Variants in EPB41 observed in about 807,000 individuals in gnomAD.
EPB41 encodes the protein erythrocyte membrane protein band 4.1.
Under a neutral mutation model 108.0 loss-of-function variants are expected in EPB41, and 65 were observed. The ratio of observed to expected loss-of-function variants is 0.60; its 90% CI spans 0.49 to 0.74. The LOEUF is 0.74. Among genes scored for constraint, EPB41 ranks in the 30% least tolerant of loss-of-function variants. The probability of loss-of-function intolerance (pLI) is 0.00; values close to 1 mark genes in which losing one functional copy is unlikely to be tolerated. For missense variants in EPB41, 875 were observed against 1,037.0 expected (o/e 0.84, Z 2.15); for synonymous variants, 336 against 358.9 (o/e 0.94, Z 0.72).
chr1:28,987,029 G>C (rs1265476698), intron 1 of EPB41, among the ~76,000 whole-genome samples: 1 of 152,150 alleles, frequency 6.6e-6, no homozygotes, highest in Non-Finnish European at 1.5e-5. Flanking sequence ...GAATTTTGCA[G>C]GGAATAATTC....
upstream of EPB41, among the ~76,000 whole-genome samples, chr1:28,913,566 T>G (rs2092370788): frequency 6.6e-6 from 1 of 152,210 alleles, no homozygotes. Flanking sequence ...TGTGATTAGA[T>G]ATCAGGAATG....
chr1:29,042,914 G>A (rs1399353694), intron 11 of EPB41, among the ~76,000 whole-genome samples: 6 of 152,058 alleles, frequency 3.9e-5, no homozygotes, highest in East Asian at 1.9e-4. Flanking sequence ...TTCATAAGAC[G>A]TGACATCTGG....
chr1:28,891,521 G>A (rs189699100), intron 1 of EPB41, among the ~76,000 whole-genome samples: 45 of 152,328 alleles, frequency 3.0e-4, no homozygotes, highest in Non-Finnish European at 2.5e-4. Context: ...GAGGTGTGAA[G>A]TGGCACCCCT....
chr1:28,960,574 A>AG (rs984415010), intron 1 of EPB41, among the ~76,000 whole-genome samples: 3 of 150,946 alleles, frequency 2.0e-5, no homozygotes, highest in Non-Finnish European at 4.4e-5. Flanking sequence ...AAAAAAAAAA[A>AG]AAAAAAAACT....
At chr1:28,986,001 C>T (rs2095862900) in intron 1 of EPB41, among the ~76,000 whole-genome samples, 1 of 120,322 alleles carries the variant, frequency 8.3e-6, no homozygotes, top group Non-Finnish European at 1.6e-5. Flanking sequence ...CCACCACAGT[C>T]CCCAGAGTGT....
intron 12 of EPB41, among the ~76,000 whole-genome samples, chr1:29,055,884 C>T (rs1201864784): frequency 3.7e-5 from 5 of 135,830 alleles, no homozygotes; most frequent in East Asian, 4.7e-4. Context: ...GCTGAGATTG[C>T]GCCACTGCAC....
At chr1:28,895,462 C>G (rs1344516760) in intron 1 of EPB41, among the ~76,000 whole-genome samples, 1 of 152,006 alleles carries the variant, frequency 6.6e-6, no homozygotes, top group African/African-American at 2.4e-5. Flanking sequence ...GGCTCAGACC[C>G]AAGCCTGCTC....
intron 4 of EPB41, among the ~76,000 whole-genome samples, chr1:28,998,704 C>A (rs2096238320): frequency 6.6e-6 from 1 of 152,108 alleles, no homozygotes; most frequent in South Asian, 2.1e-4. Flanking sequence ...AAGACTTAAC[C>A]TTTACTTTGT....
At chr1:28,993,064 T>G (rs1223696256) in intron 2 of EPB41, among the ~76,000 whole-genome samples, 1 of 152,184 alleles carries the variant, frequency 6.6e-6, no homozygotes, top group Non-Finnish European at 1.5e-5. Flanking sequence ...TATATAATGC[T>G]GAGAGCAATG....
chr1:29,004,622 T>C (rs1482901420), intron 4 of EPB41, among the ~76,000 whole-genome samples: 1 of 152,144 alleles, frequency 6.6e-6, no homozygotes, highest in African/African-American at 2.4e-5. Context: ...ACTTGCAGAG[T>C]AGGGAGGCTG....
intron 16 of EPB41, among the ~76,000 whole-genome samples, chr1:29,085,355 G>C (rs146616763): frequency 0.029 from 4,403 of 151,990 alleles, 91 homozygotes; most frequent in Admixed American, 0.044. Flanking sequence ...ATGTTGGCCA[G>C]GCTGGTTTCG....
intron 4 of EPB41, among the ~76,000 whole-genome samples, chr1:29,005,828 CA>C (rs1248600469): frequency 6.6e-6 from 1 of 152,170 alleles, no homozygotes; most frequent in Non-Finnish European, 1.5e-5. Flanking sequence ...ATACTTTAGC[CA>C]AATGAATGAA....
chr1:29,001,467 T>G (rs2096292373), intron 4 of EPB41, among the ~76,000 whole-genome samples: 1 of 152,216 alleles, frequency 6.6e-6, no homozygotes, highest in Non-Finnish European at 1.5e-5. Flanking sequence ...CCTGTGATGT[T>G]TCTCCTGTTT....
In EPB41 at chr1:29,036,281, C is replaced by T. The variant is rs551934379; in HGVS notation, c.1463+358C>T. Among the ~76,000 whole-genome samples, 524 of 119,136 alleles carry T rather than the reference C, an allele frequency of 4.4e-3. 5 individuals are homozygous for T. Among genetic ancestry groups the T allele is most frequent in the African/African-American group, 0.015 (452 of 30,362 alleles). The allele number at this position is 119,136 out of a possible 152,430, so 78.2% of individuals were successfully genotyped here. A position where few individuals can be genotyped will look rare whatever the true frequency, so the allele number is the denominator to read the frequency against. ...TTTTTTTTTTTTTTTTTTTTTGAGA[C>T]GGAGTTTCGCTCTTGTTGCCCAGGC... On this transcript the variant is annotated intron_variant, in intron 10 of 20. Transcript: ENST00000343067.
intron 11 of EPB41, among the ~76,000 whole-genome samples, chr1:29,049,732 G>A (rs1480261108): frequency 2.0e-5 from 3 of 152,112 alleles, no homozygotes; most frequent in Non-Finnish European, 2.9e-5. Flanking sequence ...CTAAGTTTCT[G>A]TTGTCAGCCA....
At chr1:28,956,296 G>A (rs1455561665) in intron 1 of EPB41, among the ~76,000 whole-genome samples, 2 of 152,154 alleles carry the variant, frequency 1.3e-5, no homozygotes, top group Admixed American at 6.5e-5. Flanking sequence ...ACTGTGGCTA[G>A]GAAACTGCAG....
chr1:29,079,488 G>C (rs554630113), intron 16 of EPB41, among the ~76,000 whole-genome samples: 1 of 151,006 alleles, frequency 6.6e-6, no homozygotes, highest in African/African-American at 2.4e-5. Context: ...CACGATCTCG[G>C]CAACCTCCAC....
intron 4 of EPB41, among the ~76,000 whole-genome samples, chr1:29,002,900 G>C (rs2096326895): frequency 6.6e-6 from 1 of 152,210 alleles, no homozygotes; most frequent in African/African-American, 2.4e-5. Context: ...AAAGCAGAGA[G>C]GACTTTCTTG....
At chr1:29,106,009 C>G (rs978831045) in intron 17 of EPB41, among the ~76,000 whole-genome samples, 2 of 152,132 alleles carry the variant, frequency 1.3e-5, no homozygotes, top group Non-Finnish European at 2.9e-5. Context: ...CTCGGCCTCC[C>G]ACAGTGCTGG....
Sources: gnomAD v4.1 joint callset for allele counts (sites outside exome capture counted in the v4.1 genomes callset) on GRCh38, gnomAD v4.1.1 for gene constraint, MANE v1.5 for transcripts, NCBI Gene and HGNC (gene_info 2026-07-23, HGNC 2026-07-21) for gene names.